CCSER1: variants seen among roughly 807,000 people sequenced by gnomAD.
CCSER1 encodes coiled-coil serine rich protein 1.
A neutral mutation model predicts 82.0 loss-of-function variants in CCSER1; 41 were observed. The observed-to-expected ratio is 0.50, with a 90% CI of 0.39 to 0.65. The LOEUF is 0.65. CCSER1 is among the 30% of genes least tolerant of loss of function. The probability of loss-of-function intolerance (pLI) is 0.00; values close to 1 mark genes in which losing one functional copy is unlikely to be tolerated. For missense variants in CCSER1, 1,119 were observed against 1,064.2 expected (o/e 1.05, Z -0.72); for synonymous variants, 414 against 383.9 (o/e 1.08, Z -0.92).
intron 10 of CCSER1, among the ~76,000 whole-genome samples, chr4:91,528,608 C>G (rs1760882850): frequency 6.6e-6 from 1 of 151,992 alleles, no homozygotes; most frequent in Non-Finnish European, 1.5e-5. Context: ...ATATCCAGCA[C>G]AATAATGAGC....
At chr4:91,010,062 A>C (rs1036742912) in intron 9 of CCSER1, among the ~76,000 whole-genome samples, 6 of 152,124 alleles carry the variant, frequency 3.9e-5, no homozygotes, top group African/African-American at 1.4e-4. Flanking sequence ...CTTCCTTAAG[A>C]ATTTCTTCTA....
rs536954644 is a variant in CCSER1 at position 91,235,351 on chromosome 4, C to A, written c.2217+149357C>A. On this transcript the variant is annotated intron_variant, in intron 10 of 10. Coordinates refer to ENST00000509176, the MANE Select transcript of CCSER1 (RefSeq NM_001145065.2). ...CTTTCTTCAACTGTATACAGGAGTT[C>A]TTGAAAATACACTAAAGTTATATTT... is the stretch of plus-strand genomic sequence containing the variant. 1.3e-4 allele frequency among the ~76,000 whole-genome samples: 20 copies of A among 152,090 alleles called. No homozygotes were observed. The East Asian group carries it at 3.5e-3, about 26-fold the overall frequency.
chr4:90,607,436 A>G (rs941336166), intron 5 of CCSER1, among the ~76,000 whole-genome samples: 12 of 152,146 alleles, frequency 7.9e-5, no homozygotes, highest in African/African-American at 2.4e-4. Flanking sequence ...TTTAGAGGCT[A>G]TAAGTCTCAT....
intron 6 of CCSER1, among the ~76,000 whole-genome samples, chr4:90,686,749 C>G (rs1034162012): frequency 6.6e-6 from 1 of 151,986 alleles, no homozygotes; most frequent in Non-Finnish European, 1.5e-5. Flanking sequence ...CAGAACCACA[C>G]ACGAAAAAGG....
chr4:90,922,451 A>G (rs1020616958), intron 8 of CCSER1, among the ~76,000 whole-genome samples: 2 of 152,042 alleles, frequency 1.3e-5, no homozygotes, highest in Non-Finnish European at 2.9e-5. Flanking sequence ...TCGTTTGGGT[A>G]TTATATAACT....
intron 10 of CCSER1, among the ~76,000 whole-genome samples, chr4:91,203,696 T>A (rs1210634308): frequency 6.6e-6 from 1 of 151,538 alleles, no homozygotes; most frequent in African/African-American, 2.4e-5. Context: ...GGTGGAAGAG[T>A]AAAGACCTTT....
intron 10 of CCSER1, among the ~76,000 whole-genome samples, chr4:91,140,457 T>A (rs895141274): frequency 1.3e-5 from 2 of 152,124 alleles, no homozygotes; most frequent in African/African-American, 4.8e-5. Context: ...AGCTGTTTTT[T>A]AAAAAATACT....
rs199714591 is a variant in CCSER1, at chr4:91,574,249, G to T, written c.2218-24323G>T. 7.8e-5 allele frequency among the ~76,000 whole-genome samples: 7 copies of T among 89,364 alleles called. No homozygotes were observed. In the East Asian group the frequency reaches 2.3e-3, roughly 30 times the overall value. The allele number at this position is 89,364 out of a possible 152,430, so 58.6% of individuals were successfully genotyped here. ...AAAGTCAAAAAACAGATGCTACTGA[G>T]GTTCTGGAAAAAAAAAAATGAATGC... On this transcript the variant is annotated intron_variant, in intron 10 of 10. Transcript: ENST00000509176.
intron 10 of CCSER1, among the ~76,000 whole-genome samples, chr4:91,191,023 A>T (rs1048237360): frequency 1.3e-5 from 2 of 152,210 alleles, no homozygotes; most frequent in African/African-American, 4.8e-5. Flanking sequence ...ATGCTTTATA[A>T]CATATGCTAT....
At chr4:91,363,749 AC>A (rs1749421898) in intron 10 of CCSER1, among the ~76,000 whole-genome samples, 1 of 151,790 alleles carries the variant, frequency 6.6e-6, no homozygotes, top group Non-Finnish European at 1.5e-5. Flanking sequence ...AGATATGTGT[AC>A]CTATTCTTTG....
chr4:90,280,133 G>A (rs1578927534), intron 1 of CCSER1, among the ~76,000 whole-genome samples: 1 of 151,912 alleles, frequency 6.6e-6, no homozygotes, highest in Non-Finnish European at 1.5e-5. Context: ...CAACAAGTTG[G>A]TAAGAGGCAA....
chr4:91,141,494 T>G (rs1215457368), intron 10 of CCSER1, among the ~76,000 whole-genome samples: 2 of 152,158 alleles, frequency 1.3e-5, no homozygotes, highest in Non-Finnish European at 2.9e-5. Flanking sequence ...TCTCATGGTG[T>G]ATATGTACCA....
intron 10 of CCSER1, among the ~76,000 whole-genome samples, chr4:91,167,185 C>CTTT (rs55920118): frequency 0.033 from 4,033 of 121,424 alleles, 197 homozygotes; most frequent in African/African-American, 0.056. Context: ...AATTGCAATA[C>CTTT]TTTTTTTTTT....
chr4:90,794,747 A>G (rs944754597), intron 7 of CCSER1, among the ~76,000 whole-genome samples: 1 of 152,178 alleles, frequency 6.6e-6, no homozygotes, highest in Non-Finnish European at 1.5e-5. Flanking sequence ...GAATCAGTAA[A>G]TTGCTTTGGG....
At chr4:90,166,228 C>T (rs1730423715) in intron 1 of CCSER1, among the ~76,000 whole-genome samples, 1 of 151,836 alleles carries the variant, frequency 6.6e-6, no homozygotes. Context: ...GGCTAATGAG[C>T]ATGTTTAGGT....
intron 6 of CCSER1, among the ~76,000 whole-genome samples, chr4:90,658,669 T>C (rs921031998): frequency 2.4e-4 from 36 of 152,216 alleles, no homozygotes; most frequent in African/African-American, 8.2e-4. Context: ...GAGTAAACCA[T>C]ACTTATGCAT....
intron 10 of CCSER1, among the ~76,000 whole-genome samples, chr4:91,544,116 C>T (rs764570207): frequency 2.6e-5 from 4 of 152,082 alleles, no homozygotes; most frequent in Admixed American, 1.3e-4. Context: ...CTTGTGCATG[C>T]GTCATGTAGT....
At chr4:91,148,160 A>T (rs1729731841) in intron 10 of CCSER1, among the ~76,000 whole-genome samples, 1 of 152,190 alleles carries the variant, frequency 6.6e-6, no homozygotes, top group Admixed American at 6.5e-5. Context: ...TGTAGTGCAA[A>T]ACCTTTATCA....
chr4:90,177,521 T>G (rs1732931748), intron 1 of CCSER1, among the ~76,000 whole-genome samples: 1 of 152,102 alleles, frequency 6.6e-6, no homozygotes, highest in Admixed American at 6.6e-5. Flanking sequence ...AGACTGACCT[T>G]CTGAATACCT....
Sources: allele counts gnomAD v4.1 joint callset (sites outside exome capture counted in the v4.1 genomes callset), GRCh38; gene constraint gnomAD v4.1.1; transcripts MANE v1.5; gene names NCBI Gene and HGNC (gene_info 2026-07-23, HGNC 2026-07-21).